The following PCDHGB2 variants were observed in gnomAD, a reference collection of about 807,000 sequenced individuals.
PCDHGB2 encodes protocadherin gamma subfamily B, 2, also known as protocadherin gamma-B2.
In PCDHGB2, 55 loss-of-function variants were observed where a neutral mutation model predicts 59.3. The observed-to-expected ratio is 0.93, with a 90% CI of 0.75 to 1.16. PCDHGB2 has a LOEUF of 1.16. Among genes scored for constraint, PCDHGB2 ranks in the 50% most tolerant of loss-of-function variants. The pLI, the probability that PCDHGB2 is intolerant of heterozygous loss-of-function variation, is 0.00. For synonymous variants in PCDHGB2, 516 were observed against 512.0 expected, an observed-to-expected ratio of 1.01 and a Z score of -0.11; for missense variants, 1,228 against 1,198.5, an observed-to-expected ratio of 1.02 and a Z score of -0.36.
chr5:141,377,024 G>A (rs944242934), intron 1 of PCDHGB2: 5 of 154,950 alleles, frequency 3.2e-5, no homozygotes, highest in African/African-American at 1.2e-4. Context: ...GAAAATTCAA[G>A]ATTGTCTTTG....
intron 1 of PCDHGB2, chr5:141,419,629 G>T: frequency 6.2e-7 from 1 of 1,612,444 alleles, no homozygotes; most frequent in Non-Finnish European, 8.5e-7. Context: ...TGGTGACCAA[G>T]GTGGTGGCCG....
At chr5:141,400,102 G>C (rs376189143) in intron 1 of PCDHGB2, 35 of 1,614,084 alleles carry the variant, frequency 2.2e-5, no homozygotes, top group Non-Finnish European at 3.0e-5. Context: ...GCTGCACTTG[G>C]TCTTTGCTGA....
chr5:141,511,537 A>G lies in PCDHGB2; in HGVS notation c.*364A>G. 2 of 319,256 alleles carry G rather than the reference A, an allele frequency of 6.3e-6. No individual in the cohort carries two copies. Among genetic ancestry groups the G allele is most frequent in the South Asian group, 3.3e-5 (1 of 29,854 alleles). 19.8% of individuals were successfully genotyped at this position (319,256 alleles called of 1,614,324 possible). A position where few individuals can be genotyped will look rare whatever the true frequency, so the allele number is the denominator to read the frequency against. On this transcript the variant is annotated 3_prime_UTR_variant, in exon 4 of 4. Coordinates refer to ENST00000522605, the MANE Select transcript of PCDHGB2 (RefSeq NM_018923.3). ...TCCATCCCATGCCTCCCTCCTCCCC[A>G]CCCCACTCCAACAGTTCCTCTTTCC... is the stretch of plus-strand genomic sequence containing the variant.
At chr5:141,366,872 A>G in intron 1 of PCDHGB2, 1 of 1,396,140 alleles carries the variant, frequency 7.2e-7, no homozygotes, top group Non-Finnish European at 9.6e-7. Flanking sequence ...GCTGTATTGG[A>G]GATTAATTTT....
intron 1 of PCDHGB2, chr5:141,400,116 C>G (rs2093964416): frequency 6.2e-7 from 1 of 1,614,086 alleles, no homozygotes; most frequent in African/African-American, 1.3e-5. Context: ...TTGCTGACAG[C>G]TTGCAGGAGG....
chr5:141,366,328 C>T (rs778365263), intron 1 of PCDHGB2: 1 of 1,613,870 alleles, frequency 6.2e-7, no homozygotes, highest in Non-Finnish European at 8.5e-7. Context: ...CCGTGGCCGA[C>T]AGGATCCCTG....
chr5:141,372,210 T>C lies in PCDHGB2; in HGVS notation c.2421+9654T>C, dbSNP rs763593596. ...CTCGGGATACAACGCCTGGCTGTCC[T>C]ACCACATTGTGCAGGCCAGCGAGCC... On this transcript the variant is annotated intron_variant, in intron 1 of 3. Transcript: ENST00000522605. The C allele has an allele frequency of 2.0e-5, 33 of 1,613,456 alleles. No homozygotes were observed. In the South Asian group the frequency reaches 2.9e-4, roughly 14 times the overall value.
chr5:141,428,186 C>CCGCTCTCTG, intron 1 of PCDHGB2: 2 of 1,460,956 alleles, frequency 1.4e-6, no homozygotes, highest in Non-Finnish European at 1.9e-6. Flanking sequence ...AGGACAGCCG[C>CCGCTCTCTG]CGCTCTCTGC....
intron 1 of PCDHGB2, chr5:141,364,359 G>A: frequency 6.4e-7 from 1 of 1,558,664 alleles, no homozygotes; most frequent in Non-Finnish European, 8.7e-7. Flanking sequence ...GGCTGGGGCT[G>A]CGGAGAGCTG....
chr5:141,366,256 C>T (rs751677361), intron 1 of PCDHGB2: 9 of 1,613,584 alleles, frequency 5.6e-6, no homozygotes, highest in African/African-American at 2.7e-5. Context: ...AGCAGAGCCT[C>T]GTGGTGGCCG....
At chr5:141,447,613 A>G (rs1169186870) in intron 1 of PCDHGB2, among the ~76,000 whole-genome samples, 1 of 152,186 alleles carries the variant, frequency 6.6e-6, no homozygotes, top group Admixed American at 6.5e-5. Context: ...TTAGCATTTT[A>G]AAGTTGAAAC....
chr5:141,374,708 C>G, intron 1 of PCDHGB2: 2 of 1,609,146 alleles, frequency 1.2e-6, no homozygotes, highest in East Asian at 2.2e-5. Flanking sequence ...AGCCGTTTAC[C>G]GCCTGGTCCT....
rs1399367534 is a variant in PCDHGB2 at position 141,487,098 on chromosome 5, A to G, written c.2422-7709A>G. 6.2e-7 allele frequency: 1 copy of G among 1,613,778 alleles called. No homozygotes were observed. The highest frequency in any genetic ancestry group is 8.5e-7 in the Non-Finnish European group (1 of 1,179,788). On this transcript the variant is annotated intron_variant, in intron 1 of 3. Transcript: ENST00000522605. The surrounding 1 kb of genome is among the most constrained non-coding windows in gnomAD (Gnocchi z 5.0). ...ATCCCAGCTGACCTCCCACCACAGA[A>G]GCTGGTCATTGTGGTAAAGGATAGT...
intron 1 of PCDHGB2, chr5:141,374,159 G>C: frequency 6.2e-7 from 1 of 1,612,288 alleles, no homozygotes. Context: ...GCTGTGGGGG[G>C]CCGCGGCAGC....
At chr5:141,436,588 G>A (rs1182294845) in intron 1 of PCDHGB2, among the ~76,000 whole-genome samples, 3 of 152,138 alleles carry the variant, frequency 2.0e-5, no homozygotes, top group Non-Finnish European at 2.9e-5. Context: ...AATTTGAAAG[G>A]TCGTGGTGAT....
chr5:141,416,098 G>A (rs745507614), intron 1 of PCDHGB2: 19 of 160,674 alleles, frequency 1.2e-4, no homozygotes, highest in Non-Finnish European at 8.1e-5. Flanking sequence ...AAGGGCAATA[G>A]GCCTTTTTCA....
intron 1 of PCDHGB2, chr5:141,371,564 C>A (rs1767846992): frequency 6.2e-7 from 1 of 1,613,816 alleles, no homozygotes; most frequent in Admixed American, 1.7e-5. Flanking sequence ...AAGGAAACTT[C>A]CCCTTTAAAA....
intron 1 of PCDHGB2, among the ~76,000 whole-genome samples, chr5:141,466,757 T>G (rs1486124876): frequency 6.6e-6 from 1 of 152,224 alleles, no homozygotes; most frequent in Non-Finnish European, 1.5e-5. Context: ...AGGGGCTCTT[T>G]TCAAACTGTT....
At chr5:141,365,015 C>A (rs773470378) in intron 1 of PCDHGB2, 2 of 1,613,904 alleles carry the variant, frequency 1.2e-6, no homozygotes, top group South Asian at 2.2e-5. Context: ...CACGCACATC[C>A]GTGTTACGGT....
Sources: gnomAD v4.1 joint callset for allele counts (sites outside exome capture counted in the v4.1 genomes callset) on GRCh38, gnomAD v4.1.1 for gene constraint, Gnocchi (gnomAD v3.1) non-coding constraint, MANE v1.5 for transcripts, NCBI Gene and HGNC (gene_info 2026-07-23, HGNC 2026-07-21) for gene names.